TRIM26: variants seen among roughly 807,000 people sequenced by gnomAD.
TRIM26 encodes tripartite motif containing 26, also known as tripartite motif-containing protein 26.
Under a neutral mutation model 45.5 loss-of-function variants are expected in TRIM26, and 16 were observed. The observed-to-expected ratio is 0.35, with a 90% CI of 0.24 to 0.53. The LOEUF is 0.53. TRIM26 is among the 20% of genes least tolerant of loss of function. The pLI, the probability that TRIM26 is intolerant of heterozygous loss-of-function variation, is 0.92. For missense variants in TRIM26, 442 were observed against 691.1 expected, an observed-to-expected ratio of 0.64 and a Z score of 4.04; for synonymous variants, 273 against 290.4, an observed-to-expected ratio of 0.94 and a Z score of 0.61.
chr6:30,189,528 G>A lies in TRIM26; in HGVS notation c.794C>T (p.Pro265Leu). 6.2e-7 allele frequency: 1 copy of A among 1,612,140 alleles called. No individual in the cohort carries two copies. Among genetic ancestry groups the A allele is most frequent in the Non-Finnish European group, 8.5e-7 (1 of 1,179,328 alleles). Residue 265 changes from proline to leucine, a missense_variant, in exon 8 of 10, where the codon CCA becomes CTA. Physicochemically the swap from Pro to Leu is moderately conservative, Grantham distance 98. Coordinates refer to ENST00000454678, the MANE Select transcript of TRIM26 (RefSeq NM_003449.5). This position sits in a 1 kb window ranked among gnomAD's most constrained non-coding sequence, Gnocchi z 5.0. The stretch of plus-strand genomic sequence containing the variant: ...TTTCCCAACCCAGAACTTCTTCCGT[G>A]GATACCTAAGAAGATGACATACATA... ...QDTRDFLNRYPRKKFWVGKPI... is the reference protein window; with the variant it reads ...QDTRDFLNRYLRKKFWVGKPI...
intron 1 of TRIM26, among the ~76,000 whole-genome samples, chr6:30,211,075 G>C (rs1778241261): frequency 6.6e-6 from 1 of 152,046 alleles, no homozygotes; most frequent in South Asian, 2.1e-4. Context: ...CAAAGTAGGG[G>C]GTCTGCAAAT....
chr6:30,187,614 A>G (rs1175425023), intron 9 of TRIM26: 6 of 360,136 alleles, frequency 1.7e-5, no homozygotes, highest in Admixed American at 3.0e-5. Flanking sequence ...TACACAGGTG[A>G]GCTCCCATGT....
intron 5 of TRIM26, among the ~76,000 whole-genome samples, chr6:30,197,606 A>G (rs1302784776): frequency 6.6e-6 from 1 of 152,152 alleles, no homozygotes; most frequent in Non-Finnish European, 1.5e-5. Flanking sequence ...TCAGTGGGTG[A>G]TGGGTTCCAG....
In TRIM26 at chr6:30,198,487, T is replaced by A; in HGVS notation, c.476A>T (p.Asp159Val). ...CTGGAAGCCCTGAATTTTGTCTCTG[T>A]CCCTCCTTAGGGTACTCAGGTGGTT... is the stretch of plus-strand genomic sequence containing the variant. ...ILNHLSTLRR[D>V]RDKIQGFQAK... is the part of the protein sequence containing the mutation. Residue 159 changes from aspartate to valine, a missense_variant, in exon 5 of 10, where the codon GAC (aspartate) becomes GTC (valine). Physicochemically the swap from Asp to Val is radical, Grantham distance 152. Transcript: ENST00000454678. The surrounding 1 kb of genome is among the most constrained non-coding windows in gnomAD (Gnocchi z 6.3). 6.2e-7 allele frequency: 1 copy of A among 1,613,038 alleles called. No individual in the cohort carries two copies. The highest frequency in any genetic ancestry group is 8.5e-7 in the Non-Finnish European group (1 of 1,180,030).
Position 30,186,330 on chromosome 6 carries a change from T to C in TRIM26, c.1166A>G (p.Glu389Gly), listed in dbSNP as rs1307559747. 1 of 1,612,072 alleles carries C rather than the reference T, an allele frequency of 6.2e-7. No individual in the cohort carries two copies. Reference sequence around the variant, plus strand: ...CTCCTCCTCCTCTTCTCCCTCTTCCTCCTCATCCCCCTCTTCTTCATCCTC... The same window carrying C: ...CTCCTCCTCCTCTTCTCCCTCTTCCCCCTCATCCCCCTCTTCTTCATCCTC... ...WSEDEEEGDE[E>G]EEGEEEEEEE... The change falls in exon 10 of 10, where the codon GAG becomes GGG. Residue 389 changes from glutamate (E) to glycine (G), a missense_variant. By Grantham distance (98) the Glu-to-Gly change is moderately conservative. Transcript: ENST00000454678. The surrounding 1 kb of genome is among the most constrained non-coding windows in gnomAD (Gnocchi z 7.4).
chr6:30,204,873 C>G (rs1447349626), intron 1 of TRIM26, 108 bp from the exon 2 acceptor site: 1 of 151,936 alleles, frequency 6.6e-6, no homozygotes, highest in East Asian at 1.9e-4. Flanking sequence ...CTGAAGAAGT[C>G]ACTTCATGAA....
rs749885721 is a variant in TRIM26, at chr6:30,199,054, G to A, written c.50C>T (p.Ser17Phe). 1.3e-6 allele frequency: 2 copies of A among 1,597,556 alleles called. No individual in the cohort carries two copies. The highest frequency in any genetic ancestry group is 1.7e-5 in the Admixed American group (1 of 59,444). Residue 17 changes from serine to phenylalanine, a missense_variant, in exon 4 of 10, where the codon TCC becomes TTC. Physicochemically the swap from Ser to Phe is radical, Grantham distance 155. Coordinates refer to ENST00000454678, the MANE Select transcript of TRIM26 (RefSeq NM_003449.5). ...GTCCCGCAGGTAATCAAGACAGATG[G>A]AGCAGGTCACCTCCTCTTCCAGGCT... ...LRSLEEEVTC[S>F]ICLDYLRDPV...
Position 30,185,785 on chromosome 6 carries a change from T to G in TRIM26, c.*91A>C. 1 of 1,441,276 alleles carries G rather than the reference T, an allele frequency of 6.9e-7. No homozygotes were observed. Among genetic ancestry groups the G allele is most frequent in the South Asian group, 1.4e-5 (1 of 72,270 alleles). The allele number at this position is 1,441,276 out of a possible 1,614,324, so 89.3% of individuals were successfully genotyped here. On this transcript the variant is annotated 3_prime_UTR_variant, in exon 10 of 10. Coordinates refer to ENST00000454678, the MANE Select transcript of TRIM26 (RefSeq NM_003449.5). The surrounding 1 kb of genome is among the most constrained non-coding windows in gnomAD (Gnocchi z 5.7). Reference sequence around the variant, plus strand: ...TATGGGGTCCCCTGCTCCAGGTGCTTAGGCCAGGCATCCCGTCCCCCCATT... The same window carrying G: ...TATGGGGTCCCCTGCTCCAGGTGCTGAGGCCAGGCATCCCGTCCCCCCATT...
intron 1 of TRIM26, among the ~76,000 whole-genome samples, chr6:30,208,904 ATGTGTGTGTGTGTG>A (rs9278612): frequency 1.6e-3 from 225 of 140,830 alleles, no homozygotes; most frequent in African/African-American, 4.7e-3. Flanking sequence ...GATATAGAAT[ATGTGTGTGTGTGTG>A]TGTGTGTGTG....
intron 9 of TRIM26, chr6:30,188,679 C>A (rs1775480024): frequency 5.0e-6 from 1 of 200,196 alleles, no homozygotes; most frequent in Non-Finnish European, 1.1e-5. Context: ...GACCACCAGT[C>A]TTCACAATCC....
Position 30,198,338 on chromosome 6 carries a change from A to G in TRIM26, c.534+91T>C. 2.1e-6 allele frequency: 3 copies of G among 1,433,598 alleles called. No individual in the cohort carries two copies. The highest frequency in any genetic ancestry group is 2.9e-6 in the Non-Finnish European group (3 of 1,025,338). The allele number at this position is 1,433,598 out of a possible 1,614,324, so 88.8% of individuals were successfully genotyped here. ...CATCCTCCCTGTGAGCAGCGCCTAG[A>G]AACACCTCCCAGCTGCCGCCTACTT... On this transcript the variant is annotated intron_variant, in intron 5 of 9. Coordinates refer to ENST00000454678, the MANE Select transcript of TRIM26 (RefSeq NM_003449.5). This position sits in a 1 kb window ranked among gnomAD's most constrained non-coding sequence, Gnocchi z 6.3.
chr6:30,203,294 C>T (rs1777388343), intron 2 of TRIM26, among the ~76,000 whole-genome samples: 1 of 152,024 alleles, frequency 6.6e-6, no homozygotes, highest in African/African-American at 2.4e-5. Flanking sequence ...ATCCTCCCAC[C>T]TCAGCCTCCC....
chr6:30,186,762 T>C lies in TRIM26; in HGVS notation c.938-204A>G. On this transcript the variant is annotated intron_variant, in intron 9 of 9. Coordinates refer to ENST00000454678, the MANE Select transcript of TRIM26 (RefSeq NM_003449.5). This position sits in a 1 kb window ranked among gnomAD's most constrained non-coding sequence, Gnocchi z 7.4. The stretch of plus-strand genomic sequence containing the variant: ...TTCTGCTAAATCACCATAACTAAAC[T>C]GCTTTATAAACATGATATACTGAAA... 2.0e-6 allele frequency: 2 copies of C among 1,009,176 alleles called. No individual in the cohort carries two copies. Among genetic ancestry groups the C allele is most frequent in the Non-Finnish European group, 3.0e-6 (2 of 674,272 alleles). 62.5% of individuals were successfully genotyped at this position (1,009,176 alleles called of 1,614,324 possible). A position where few individuals can be genotyped will look rare whatever the true frequency, so the allele number is the denominator to read the frequency against.
rs919358134 is a variant in TRIM26, at chr6:30,213,381, T to A, written c.-452A>T. 1 of 152,322 alleles carries A rather than the reference T, an allele frequency of 6.6e-6. No homozygotes were observed. The highest frequency in any genetic ancestry group is 1.5e-5 in the Non-Finnish European group (1 of 68,096). The allele number at this position is 152,322 out of a possible 1,614,324, so 9.4% of individuals were successfully genotyped here. A position where few individuals can be genotyped will look rare whatever the true frequency, so the allele number is the denominator to read the frequency against. On this transcript the variant is annotated 5_prime_UTR_variant, in exon 1 of 10. Transcript: ENST00000454678. ...GGCGGTCTGTTCCGGGTCCCGCTCC[T>A]GCACGAGCAACCAGCGCGACAGCTC...
intron 5 of TRIM26, among the ~76,000 whole-genome samples, chr6:30,197,734 C>A (rs1303404570): frequency 6.6e-6 from 1 of 152,028 alleles, no homozygotes; most frequent in Admixed American, 6.6e-5. Context: ...ACTTATAATG[C>A]CTAATATAAT....
In TRIM26 at chr6:30,196,286, T is replaced by C. The variant is rs907551945; in HGVS notation, c.765+230A>G. Among the ~76,000 whole-genome samples, 6 of 152,266 alleles carry C rather than the reference T, an allele frequency of 3.9e-5. No individual in the cohort carries two copies. The highest frequency in any genetic ancestry group is 1.4e-4 in the African/African-American group (6 of 41,474). On this transcript the variant is annotated intron_variant, in intron 6 of 9. Transcript: ENST00000454678. The surrounding 1 kb of genome is among the most constrained non-coding windows in gnomAD (Gnocchi z 4.9). ...TCCATTTTCTACTATACCATTTAGTTTTTTGAACAGTTTTGTGTAAAAAGT... is the reference window on the plus strand; with the variant it reads ...TCCATTTTCTACTATACCATTTAGTCTTTTGAACAGTTTTGTGTAAAAAGT...
At position 30,186,506 on chromosome 6, in the gene TRIM26, C is replaced by G; in HGVS notation, c.990G>C (p.Glu330Asp). 1 of 1,534,372 alleles carries G rather than the reference C, an allele frequency of 6.5e-7. No homozygotes were observed. Among genetic ancestry groups the G allele is most frequent in the Non-Finnish European group, 8.8e-7 (1 of 1,141,608 alleles). The change falls in exon 10 of 10, where the codon GAG (glutamate) becomes GAC (aspartate). Residue 330 changes from glutamate to aspartate, a missense_variant. Physicochemically the swap from Glu to Asp is conservative, Grantham distance 45. Coordinates refer to ENST00000454678, the MANE Select transcript of TRIM26 (RefSeq NM_003449.5). This position sits in a 1 kb window ranked among gnomAD's most constrained non-coding sequence, Gnocchi z 7.4. ...TGGTGTAGGTCACGCACTTCCAGTCCTCTGACAGCTGCAGGTACCCACTGG... is the reference window on the plus strand; with the variant it reads ...TGGTGTAGGTCACGCACTTCCAGTCGTCTGACAGCTGCAGGTACCCACTGG... ...QSASGYLQLS[E>D]DWKCVTYTSL...
intron 2 of TRIM26, among the ~76,000 whole-genome samples, chr6:30,201,889 A>G (rs1483526339): frequency 6.6e-6 from 1 of 151,996 alleles, no homozygotes; most frequent in Admixed American, 6.6e-5. Context: ...TGCCTGGTCC[A>G]ACTCCTTGGC....
rs758271832 is a variant in TRIM26, at chr6:30,186,595, C to CTGTTT, written c.938-42_938-38dup. 26 of 1,491,554 alleles carry CTGTTT rather than the reference C, an allele frequency of 1.7e-5. No homozygotes were observed. The highest frequency in any genetic ancestry group is 4.7e-5 in the East Asian group (2 of 42,914). 92.4% of individuals were successfully genotyped at this position (1,491,554 alleles called of 1,614,324 possible). On this transcript the variant is annotated intron_variant, in intron 9 of 9. Coordinates refer to ENST00000454678, the MANE Select transcript of TRIM26 (RefSeq NM_003449.5). The surrounding 1 kb of genome is among the most constrained non-coding windows in gnomAD (Gnocchi z 7.4). ...AGGGAAAAAAAAAAAAACAGCATCA[C>CTGTTT]TGTTTTGTTTTGTTTTTTAAGTCAG...
Sources: gnomAD v4.1 joint callset for allele counts (sites outside exome capture counted in the v4.1 genomes callset) on GRCh38, gnomAD v4.1.1 for gene constraint, Gnocchi (gnomAD v3.1) non-coding constraint, MANE v1.5 for transcripts, NCBI Gene and HGNC (gene_info 2026-07-23, HGNC 2026-07-21) for gene names.